FGF5: variants seen among roughly 807,000 people sequenced by gnomAD.
FGF5 encodes the protein fibroblast growth factor 5, also known as heparin-binding growth factor 5.
A neutral mutation model predicts 21.8 loss-of-function variants in FGF5; 23 were observed. The observed-to-expected ratio is 1.05, with a 90% CI of 0.76 to 1.49. The LOEUF (loss-of-function observed/expected upper bound fraction) is 1.49, where lower values mean the gene tolerates loss of function less well. Ranked by LOEUF, FGF5 falls within the 40% of genes most tolerant of loss-of-function variation. FGF5 has a pLI of 0.00. For missense variants in FGF5, 352 were observed against 332.9 expected (o/e 1.06, Z -0.45); for synonymous variants, 158 against 124.0 (o/e 1.27, Z -1.82).
intron 1 of FGF5, among the ~76,000 whole-genome samples, chr4:80,273,912 T>G (rs914191245): frequency 3.9e-5 from 6 of 152,078 alleles, no homozygotes; most frequent in African/African-American, 1.4e-4. Context: ...TTTTAAAAAT[T>G]TTGAAATAGA....
chr4:80,289,045 G>T lies in FGF5; in HGVS notation c.*2373G>T, dbSNP rs543462070. The T allele has an allele frequency of 6.7e-4, 100 of 150,372 alleles. No individual in the cohort carries two copies. The highest frequency in any genetic ancestry group is 2.1e-3 in the African/African-American group (84 of 40,570). The allele number at this position is 150,372 out of a possible 1,614,324, so 9.3% of individuals were successfully genotyped here. A position where few individuals can be genotyped will look rare whatever the true frequency, so the allele number is the denominator to read the frequency against. ...AGTCTTGCTCTGTCACCAGGCTGGA[G>T]TGCAGTGGCATGATCTCGGCTCACT... On this transcript the variant is annotated 3_prime_UTR_variant, in exon 3 of 3. Coordinates refer to ENST00000312465, the MANE Select transcript of FGF5 (RefSeq NM_004464.4).
chr4:80,282,869 T>C (rs1346126216), intron 2 of FGF5, among the ~76,000 whole-genome samples: 1 of 152,168 alleles, frequency 6.6e-6, no homozygotes, highest in African/African-American at 2.4e-5. Context: ...AAAAAAGATT[T>C]AAAAAATAAA....
Position 80,286,743 on chromosome 4 carries a change from A to C in FGF5, c.*71A>C, listed in dbSNP as rs891655241. On this transcript the variant is annotated 3_prime_UTR_variant, in exon 3 of 3. Coordinates refer to ENST00000312465, the MANE Select transcript of FGF5 (RefSeq NM_004464.4). ...TTCTATAGGTGTCTTCAGAGTTCTG[A>C]AGAAAAATTACTGGACACAGCTTCA... 3.6e-5 allele frequency: 42 copies of C among 1,180,904 alleles called. No individual in the cohort carries two copies. Among genetic ancestry groups the C allele is most frequent in the Non-Finnish European group, 5.0e-5 (41 of 825,994 alleles). 73.2% of individuals were successfully genotyped at this position (1,180,904 alleles called of 1,614,324 possible).
chr4:80,270,613 G>A (rs1720243041), intron 1 of FGF5, among the ~76,000 whole-genome samples: 1 of 152,192 alleles, frequency 6.6e-6, no homozygotes, highest in Non-Finnish European at 1.5e-5. Context: ...CAAGATAGAT[G>A]ACCCAACTAT....
At chr4:80,269,947 C>T (rs1720222715) in intron 1 of FGF5, among the ~76,000 whole-genome samples, 1 of 152,242 alleles carries the variant, frequency 6.6e-6, no homozygotes, top group Non-Finnish European at 1.5e-5. Flanking sequence ...ACATGGATCT[C>T]TGCCATTACC....
At chr4:80,279,506 G>A (rs577241263) in intron 2 of FGF5, among the ~76,000 whole-genome samples, 1 of 152,164 alleles carries the variant, frequency 6.6e-6, no homozygotes, top group South Asian at 2.1e-4. Context: ...TCTTCCTCAC[G>A]TCCAAACTTT....
At chr4:80,270,916 A>G (rs1255473740) in intron 1 of FGF5, among the ~76,000 whole-genome samples, 1 of 152,246 alleles carries the variant, frequency 6.6e-6, no homozygotes, top group Admixed American at 6.5e-5. Flanking sequence ...TAGATAAATC[A>G]GAATCTATAT....
intron 1 of FGF5, chr4:80,268,143 C>T (rs1720151701): frequency 1.3e-5 from 2 of 152,246 alleles, no homozygotes; most frequent in African/African-American, 4.8e-5. Context: ...CCTTCCACCC[C>T]ATCTATGTTT....
At chr4:80,272,959 C>T (rs1445371512) in intron 1 of FGF5, among the ~76,000 whole-genome samples, 1 of 152,000 alleles carries the variant, frequency 6.6e-6, no homozygotes, top group East Asian at 1.9e-4. Context: ...CTTTGTATCA[C>T]TGTTATAGTC....
intron 1 of FGF5, among the ~76,000 whole-genome samples, chr4:80,269,713 A>G (rs956787959): frequency 6.6e-6 from 1 of 151,708 alleles, no homozygotes; most frequent in Admixed American, 6.6e-5. Context: ...GCCATAAATC[A>G]TGTACCCAAT....
At chr4:80,285,781 G>A (rs1451245898) in intron 2 of FGF5, among the ~76,000 whole-genome samples, 4 of 152,028 alleles carry the variant, frequency 2.6e-5, no homozygotes, top group African/African-American at 9.7e-5. Flanking sequence ...ACTCTAACAC[G>A]TGCAATATTA....
chr4:80,284,915 A>AG (rs1454205884), intron 2 of FGF5, among the ~76,000 whole-genome samples: 1 of 152,344 alleles, frequency 6.6e-6, no homozygotes, highest in Admixed American at 6.5e-5. Flanking sequence ...TTTTATATAT[A>AG]GGGGACAAAA....
Position 80,288,190 on chromosome 4 carries a change from T to C in FGF5, c.*1518T>C, listed in dbSNP as rs1307748252. The C allele has an allele frequency of 6.6e-6, 1 of 152,180 alleles. No homozygotes were observed. The highest frequency in any genetic ancestry group is 1.5e-5 in the Non-Finnish European group (1 of 68,016). The allele number at this position is 152,180 out of a possible 1,614,324, so 9.4% of individuals were successfully genotyped here. On this transcript the variant is annotated 3_prime_UTR_variant, in exon 3 of 3. Coordinates refer to ENST00000312465, the MANE Select transcript of FGF5 (RefSeq NM_004464.4). ...TTTAAACATGTTTAAAGTGTACTTA[T>C]AAACTATTTTTTTCTTAAAGCAAAC...
chr4:80,289,792 C>G lies in FGF5; in HGVS notation c.*3120C>G, dbSNP rs1411910099. On this transcript the variant is annotated 3_prime_UTR_variant, in exon 3 of 3. Coordinates refer to ENST00000312465, the MANE Select transcript of FGF5 (RefSeq NM_004464.4). ...GCTGAATTATATTGGTCCAGAAGTTCAAAATCATGTGACAATAATAAGGGA... is the reference window on the plus strand; with the variant it reads ...GCTGAATTATATTGGTCCAGAAGTTGAAAATCATGTGACAATAATAAGGGA... 1 of 151,924 alleles carries G rather than the reference C, an allele frequency of 6.6e-6. No individual in the cohort carries two copies. The highest frequency in any genetic ancestry group is 1.5e-5 in the Non-Finnish European group (1 of 67,980). The allele number at this position is 151,924 out of a possible 1,614,324, so 9.4% of individuals were successfully genotyped here.
intron 2 of FGF5, 53 bp downstream of exon 2, chr4:80,275,065 G>T: frequency 2.7e-6 from 2 of 738,856 alleles, no homozygotes; most frequent in Non-Finnish European, 2.2e-6. Flanking sequence ...TTTTACATTT[G>T]TAAAACAGAA....
chr4:80,266,964 G>C lies in FGF5; in HGVS notation c.140G>C (p.Arg47Thr). The C allele has an allele frequency of 1.9e-6, 3 of 1,614,252 alleles. No homozygotes were observed. Among genetic ancestry groups the C allele is most frequent in the Non-Finnish European group, 2.5e-6 (3 of 1,180,050 alleles). ...TDRNPRGSSS[R>T]QSSSSAMSSS... Reference sequence around the variant, plus strand: ...AGGAACCCTAGAGGCTCCAGCAGCAGACAGAGCAGCAGTAGCGCTATGTCT... The same window carrying C: ...AGGAACCCTAGAGGCTCCAGCAGCACACAGAGCAGCAGTAGCGCTATGTCT... The change falls in exon 1 of 3, where the codon AGA becomes ACA. Residue 47 changes from arginine to threonine, a missense_variant. Coordinates refer to ENST00000312465, the MANE Select transcript of FGF5 (RefSeq NM_004464.4).
intron 2 of FGF5, among the ~76,000 whole-genome samples, chr4:80,276,283 T>G (rs1168169471): frequency 2.0e-5 from 3 of 152,004 alleles, no homozygotes; most frequent in Non-Finnish European, 4.4e-5. Context: ...AAATTTCAGT[T>G]TACTAACATA....
intron 2 of FGF5, among the ~76,000 whole-genome samples, chr4:80,279,836 T>G (rs934605074): frequency 1.3e-5 from 2 of 152,204 alleles, no homozygotes. Context: ...TCTCAGGGTT[T>G]TAGGGGATCA....
intron 2 of FGF5, among the ~76,000 whole-genome samples, chr4:80,284,074 G>C (rs1720640622): frequency 6.6e-6 from 1 of 152,214 alleles, no homozygotes; most frequent in Admixed American, 6.5e-5. Flanking sequence ...GGGCCTAAAT[G>C]CAGGCTGGCA....
Sources: gnomAD v4.1 joint callset for allele counts (sites outside exome capture counted in the v4.1 genomes callset) on GRCh38, gnomAD v4.1.1 for gene constraint, MANE v1.5 for transcripts, NCBI Gene and HGNC (gene_info 2026-07-23, HGNC 2026-07-21) for gene names.